The following HECTD4 variants were observed in gnomAD, a reference collection of about 807,000 sequenced individuals.
HECTD4 encodes HECT domain E3 ubiquitin protein ligase 4, also known as probable E3 ubiquitin-protein ligase HECTD4.
HECTD4 carries 114 observed loss-of-function variants against 471.5 expected under a neutral mutation model. That is an observed-to-expected ratio of 0.24 (90% CI 0.21 to 0.28). The LOEUF is 0.28. Ranked by LOEUF, HECTD4 falls within the 10% of genes least tolerant of loss-of-function variation. HECTD4 has a pLI of 1.00. For missense variants in HECTD4, 3,866 were observed against 5,651.5 expected (o/e 0.68, Z 10.13); for synonymous variants, 2,012 against 2,256.0 (o/e 0.89, Z 3.07).
Position 112,184,083 on chromosome 12 carries a change from G to A in HECTD4, c.10779+104C>T. ...GGGCTGCCCCAGGGAGCCCCCAACC[G>A]CTCCACCATTACCTACTAGGAAATA... On this transcript the variant is annotated intron_variant, in intron 61 of 75. Transcript: ENST00000682272. The surrounding 1 kb of genome is among the most constrained non-coding windows in gnomAD (Gnocchi z 9.1). The A allele has an allele frequency of 4.3e-6, 5 of 1,174,122 alleles. No individual in the cohort carries two copies. The highest frequency in any genetic ancestry group is 1.5e-5 in the African/African-American group (1 of 65,330). The allele number at this position is 1,174,122 out of a possible 1,614,324, so 72.7% of individuals were successfully genotyped here.
chr12:112,183,968 T>G (rs1471448438), intron 61 of HECTD4, among the ~76,000 whole-genome samples: 1 of 152,230 alleles, frequency 6.6e-6, no homozygotes. Flanking sequence ...GGCCAGGCCC[T>G]GAGCCCTCTG....
In HECTD4 at chr12:112,239,648, C is replaced by T. The variant is rs536511147; in HGVS notation, c.5105+233G>A. On this transcript the variant is annotated intron_variant, in intron 33 of 75. Coordinates refer to ENST00000682272, the MANE Select transcript of HECTD4 (RefSeq NM_001388303.1). The surrounding 1 kb of genome is among the most constrained non-coding windows in gnomAD (Gnocchi z 4.9). ...TAGGGACCTTTTATTTTTCTTTGAA[C>T]CTCTGTATCTTCACAATGTAATATA... is the stretch of plus-strand genomic sequence containing the variant. 2.6e-5 allele frequency among the ~76,000 whole-genome samples: 4 copies of T among 152,198 alleles called. No homozygotes were observed. The highest frequency in any genetic ancestry group is 5.9e-5 in the Non-Finnish European group (4 of 68,010).
At chr12:112,183,323 G>T in intron 61 of HECTD4, 57 bp from the exon 62 acceptor site, 1 of 1,334,066 alleles carries the variant, frequency 7.5e-7, no homozygotes, top group Non-Finnish European at 1.1e-6. Context: ...CATTCAGTGT[G>T]AGTGAACTTC....
chr12:112,221,766 T>G (rs1446323666), intron 44 of HECTD4, among the ~76,000 whole-genome samples: 1 of 151,458 alleles, frequency 6.6e-6, no homozygotes, highest in Non-Finnish European at 1.5e-5. Context: ...TTCTTTTTTT[T>G]TTTTTTGAGA....
At chr12:112,357,258 T>A (rs1476301057) in intron 1 of HECTD4, among the ~76,000 whole-genome samples, 1 of 151,768 alleles carries the variant, frequency 6.6e-6, no homozygotes, top group Non-Finnish European at 1.5e-5. Context: ...AGAGGAAAAG[T>A]CATAATAAAA....
At position 112,270,278 on chromosome 12, in the gene HECTD4, G is replaced by T; in HGVS notation, c.2124C>A (p.Ala708=). Residue 708 remains alanine, a synonymous_variant, in exon 12 of 76, where the codon GCC becomes GCA. Transcript: ENST00000682272. ...LSSICDIMEK[A]MVNGDTCIIR... is the part of the protein sequence containing the mutation. The stretch of plus-strand genomic sequence containing the variant: ...TAATACAGGTATCTCCATTAACCAT[G>T]GCCTTCTCCATAATGTCACAAATAC... 6.2e-7 allele frequency: 1 copy of T among 1,613,978 alleles called. No homozygotes were observed. The highest frequency in any genetic ancestry group is 1.3e-5 in the African/African-American group (1 of 75,028).
At chr12:112,362,460 T>C (rs534619873) in intron 1 of HECTD4, among the ~76,000 whole-genome samples, 1 of 152,042 alleles carries the variant, frequency 6.6e-6, no homozygotes, top group Non-Finnish European at 1.5e-5. Flanking sequence ...GCCTCCTCTA[T>C]GGGAACACAA....
Position 112,169,504 on chromosome 12 carries a change from G to A in HECTD4, c.12207C>T (p.Thr4069=). Residue 4069 remains threonine, a splice_region_variant and synonymous_variant, in exon 70 of 76, where the codon ACC becomes ACT. Transcript: ENST00000682272. ...GGAGCCTGGCGGGCCACCACTTACTGGTGCCATGGACCTCCTCGCCAGTGA... is the reference window on the plus strand; with the variant it reads ...GGAGCCTGGCGGGCCACCACTTACTAGTGCCATGGACCTCCTCGCCAGTGA... ...IRFTGEEVHG[T]SGSFRHFLWQ... The A allele has an allele frequency of 6.2e-7, 1 of 1,607,778 alleles. No homozygotes were observed.
At chr12:112,335,143 TAC>T (rs144839031) in intron 1 of HECTD4, among the ~76,000 whole-genome samples, 120 of 146,310 alleles carry the variant, frequency 8.2e-4, no homozygotes, top group Non-Finnish European at 8.9e-4. Context: ...GAAACTGTGA[TAC>T]ACACACACAC....
At chr12:112,347,076 C>T (rs928845980) in intron 1 of HECTD4, among the ~76,000 whole-genome samples, 39 of 152,084 alleles carry the variant, frequency 2.6e-4, no homozygotes, top group African/African-American at 9.4e-4. Flanking sequence ...CTGGCCTCGA[C>T]TTTTCATGTT....
At chr12:112,370,305 C>A (rs995661039) in intron 1 of HECTD4, among the ~76,000 whole-genome samples, 4 of 152,166 alleles carry the variant, frequency 2.6e-5, no homozygotes, top group Non-Finnish European at 4.4e-5. Flanking sequence ...CCCAGTGAGA[C>A]TCATTTCAAA....
At position 112,239,057 on chromosome 12, in the gene HECTD4, T is replaced by A. The variant is rs1474593632; in HGVS notation, c.5285A>T (p.Glu1762Val). The A allele has an allele frequency of 6.2e-7, 1 of 1,610,356 alleles. No individual in the cohort carries two copies. Among genetic ancestry groups the A allele is most frequent in the South Asian group, 1.1e-5 (1 of 90,376 alleles). Reference sequence around the variant, plus strand: ...AAAGGAGTCTGGCATCTCACCTTCCTCTTTTTCCCACTCAACACAGCGGTT... The same window carrying A: ...AAAGGAGTCTGGCATCTCACCTTCCACTTTTTCCCACTCAACACAGCGGTT... ...LANRCVEWEK[E>V]EGGSTEAVHS... Residue 1762 changes from glutamate to valine, a missense_variant, in exon 34 of 76, where the codon GAG becomes GTG. Glu to Val is a moderately radical substitution (Grantham distance 121). Coordinates refer to ENST00000682272, the MANE Select transcript of HECTD4 (RefSeq NM_001388303.1). The surrounding 1 kb of genome is among the most constrained non-coding windows in gnomAD (Gnocchi z 4.9).
In HECTD4 at chr12:112,229,035, G is replaced by A. The variant is rs75705235; in HGVS notation, c.6520-224C>T. Reference sequence around the variant, plus strand: ...ATGCTGTCATCTCAAATAGAAACTCGTTACTGCTAGGCCAGGTGTGGTGGC... The same window carrying A: ...ATGCTGTCATCTCAAATAGAAACTCATTACTGCTAGGCCAGGTGTGGTGGC... On this transcript the variant is annotated intron_variant, in intron 41 of 75. Coordinates refer to ENST00000682272, the MANE Select transcript of HECTD4 (RefSeq NM_001388303.1). Among the ~76,000 whole-genome samples the A allele has an allele frequency of 7.4e-3, 1,130 of 152,178 alleles. 13 individuals are homozygous for A. Among genetic ancestry groups the A allele is most frequent in the African/African-American group, 0.026 (1,087 of 41,524 alleles).
At chr12:112,296,209 AGACAGTGGTAGGTG>A (rs2035008821) in intron 7 of HECTD4, among the ~76,000 whole-genome samples, 2 of 137,866 alleles carry the variant, frequency 1.5e-5, no homozygotes, top group South Asian at 5.0e-4. Context: ...ATGTAGGTGC[AGACAGTGGTAGGTG>A]CAGACAGTGG....
chr12:112,207,191 T>C (rs545665909), intron 52 of HECTD4, among the ~76,000 whole-genome samples: 2 of 152,306 alleles, frequency 1.3e-5, no homozygotes, highest in South Asian at 4.1e-4. Flanking sequence ...TTGCCCAGGC[T>C]GGAGTGCAGT....
intron 17 of HECTD4, chr12:112,261,820 A>G (rs1482622433): frequency 6.3e-6 from 1 of 159,098 alleles, no homozygotes; most frequent in Non-Finnish European, 1.4e-5. Context: ...TGGTATGAGG[A>G]TAGCTAAAGA....
intron 7 of HECTD4, among the ~76,000 whole-genome samples, chr12:112,287,569 A>C (rs2034779041): frequency 6.6e-6 from 1 of 152,180 alleles, no homozygotes; most frequent in South Asian, 2.1e-4. Flanking sequence ...TGGGGGCAGA[A>C]GACCTCTCAG....
intron 19 of HECTD4, 64 bp from the exon 20 acceptor site, chr12:112,258,660 G>T (rs1445762515): frequency 2.3e-6 from 3 of 1,307,890 alleles, no homozygotes; most frequent in African/African-American, 3.0e-5. Context: ...TGGTATGACA[G>T]CCAAACTTAG....
chr12:112,261,230 A>G, intron 18 of HECTD4, 75 bp downstream of exon 18: 1 of 1,421,658 alleles, frequency 7.0e-7, no homozygotes, highest in Non-Finnish European at 9.4e-7. Context: ...TCTATATTCT[A>G]AAAAGATTTA....
Sources: allele counts gnomAD v4.1 joint callset (sites outside exome capture counted in the v4.1 genomes callset), GRCh38; gene constraint gnomAD v4.1.1; non-coding constraint Gnocchi (gnomAD v3.1); transcripts MANE v1.5; gene names NCBI Gene and HGNC (gene_info 2026-07-23, HGNC 2026-07-21).